The following WDR59 variants were observed in gnomAD, a reference collection of about 807,000 sequenced individuals.
The protein encoded by WDR59 is WD repeat domain 59, also known as GATOR2 complex protein WDR59.
WDR59 carries 100 observed loss-of-function variants against 131.2 expected under a neutral mutation model. The observed-to-expected ratio is 0.76, with a 90% CI of 0.65 to 0.90. The LOEUF is 0.90. Among genes scored for constraint, WDR59 ranks in the 40% least tolerant of loss-of-function variants. WDR59 has a pLI of 0.00. For synonymous variants in WDR59, 601 were observed against 466.2 expected (o/e 1.29, Z -3.72); for missense variants, 1,203 against 1,262.2 (o/e 0.95, Z 0.71).
chr16:74,912,135 T>C, intron 14 of WDR59, 63 bp downstream of exon 14: 2 of 1,606,908 alleles, frequency 1.2e-6, no homozygotes, highest in Non-Finnish European at 1.7e-6. Context: ...TCATTCTTCT[T>C]TACTAATCCA....
intron 1 of WDR59, among the ~76,000 whole-genome samples, chr16:74,968,472 G>C (rs577396033): frequency 6.6e-6 from 1 of 152,328 alleles, no homozygotes; most frequent in East Asian, 1.9e-4. Flanking sequence ...TGTAATCCCA[G>C]CACTTTGGGA....
chr16:74,898,649 G>A (rs573812552), intron 18 of WDR59, among the ~76,000 whole-genome samples: 2 of 152,228 alleles, frequency 1.3e-5, no homozygotes, highest in Non-Finnish European at 2.9e-5. Flanking sequence ...TTACTGCTAC[G>A]ATCAGAGGCA....
chr16:74,903,750 C>A (rs1230091382), intron 18 of WDR59, among the ~76,000 whole-genome samples, 197 bp downstream of exon 18: 2 of 152,034 alleles, frequency 1.3e-5, no homozygotes, highest in African/African-American at 4.8e-5. Context: ...AGAACGGCCC[C>A]CTGACCCATA....
At chr16:74,910,027 G>GTACGA (rs1289283041) in intron 14 of WDR59, 110 bp from the exon 15 acceptor site, 33 of 913,852 alleles carry the variant, frequency 3.6e-5, no homozygotes, top group Non-Finnish European at 4.8e-5. Context: ...GAGTGTAGTG[G>GTACGA]TACGATCTCG....
intron 1 of WDR59, chr16:74,984,547 C>CA (rs1213910533): frequency 9.2e-6 from 2 of 217,132 alleles, no homozygotes; most frequent in East Asian, 2.2e-4. Flanking sequence ...TCATCGAATT[C>CA]ACCCCAACAG....
At chr16:74,918,787 C>A in intron 10 of WDR59, among the ~76,000 whole-genome samples, 1 of 152,138 alleles carries the variant, frequency 6.6e-6, no homozygotes, top group East Asian at 1.9e-4. Context: ...GATGGGGAAA[C>A]TGAGGCAAGA....
At chr16:74,952,925 G>C (rs548754105) in intron 3 of WDR59, among the ~76,000 whole-genome samples, 2 of 152,060 alleles carry the variant, frequency 1.3e-5, no homozygotes, top group Non-Finnish European at 2.9e-5. Flanking sequence ...AGCTTCCAAA[G>C]AGAATAGGAA....
At chr16:74,908,392 G>A (rs1050814358) in intron 17 of WDR59, among the ~76,000 whole-genome samples, 2 of 152,148 alleles carry the variant, frequency 1.3e-5, no homozygotes, top group African/African-American at 4.8e-5. Context: ...ACTCCAGCCT[G>A]GGTGACAGAG....
chr16:74,891,040 G>A (rs1965018087), intron 20 of WDR59, among the ~76,000 whole-genome samples: 1 of 151,560 alleles, frequency 6.6e-6, no homozygotes, highest in South Asian at 2.1e-4. Flanking sequence ...CTTGAACCTG[G>A]GAGGCAGAGG....
rs146092760 is a variant in WDR59 at position 74,932,749 on chromosome 16, A to C, written c.651+5401T>G. On this transcript the variant is annotated intron_variant, in intron 8 of 25. Transcript: ENST00000262144. Reference sequence around the variant, plus strand: ...AGTGATCCTCCCTCCTCAGACTCCCAAAGTGCTGGGATTACAGGGGTGAGC... The same window carrying C: ...AGTGATCCTCCCTCCTCAGACTCCCCAAGTGCTGGGATTACAGGGGTGAGC... 7.2e-3 allele frequency among the ~76,000 whole-genome samples: 1,100 copies of C among 152,270 alleles called. 11 individuals carry two copies. Among genetic ancestry groups the C allele is most frequent in the Non-Finnish European group, 0.011 (743 of 68,000 alleles).
chr16:74,874,848 C>T (rs1374072654), intron 25 of WDR59, among the ~76,000 whole-genome samples: 1 of 152,192 alleles, frequency 6.6e-6, no homozygotes, highest in African/African-American at 2.4e-5. Flanking sequence ...GCCTTGGCCT[C>T]CCAAAGTGCT....
intron 7 of WDR59, among the ~76,000 whole-genome samples, chr16:74,939,842 T>A (rs965926593): frequency 4.6e-5 from 7 of 151,824 alleles, no homozygotes; most frequent in East Asian, 3.9e-4. Flanking sequence ...AAAATTTTTT[T>A]AATTACCTCA....
At chr16:74,984,912 G>A (rs917015453) in intron 1 of WDR59, 52 bp downstream of exon 1, 2 of 1,584,006 alleles carry the variant, frequency 1.3e-6, no homozygotes, top group Admixed American at 1.8e-5. Flanking sequence ...CGTGGGGGAG[G>A]GGAAGCGGGG....
At chr16:74,976,171 G>T (rs936404866) in intron 1 of WDR59, among the ~76,000 whole-genome samples, 4 of 152,072 alleles carry the variant, frequency 2.6e-5, no homozygotes, top group Admixed American at 1.3e-4. Context: ...AAAACACACA[G>T]ATTATTAATT....
Position 74,922,015 on chromosome 16 carries a change from G to T in WDR59, c.818C>A (p.Thr273Asn). The T allele has an allele frequency of 1.2e-6, 2 of 1,614,206 alleles. No individual in the cohort carries two copies. The highest frequency in any genetic ancestry group is 1.7e-6 in the Non-Finnish European group (2 of 1,180,032). ...LLLWNVFDLNTPVHTFVGHDD... is the reference protein window; with the variant it reads ...LLLWNVFDLNNPVHTFVGHDD... The stretch of plus-strand genomic sequence containing the variant: ...ATGCCCCACGAAGGTGTGGACTGGG[G>T]TGTTCAAGTCAAAGACATTCCACAG... The change falls in exon 10 of 26, where the codon ACC (threonine) becomes AAC (asparagine). Residue 273 changes from threonine to asparagine, a missense_variant. Physicochemically the swap from Thr to Asn is moderately conservative, Grantham distance 65 (BLOSUM62 0). Coordinates refer to ENST00000262144, the MANE Select transcript of WDR59 (RefSeq NM_030581.4).
intron 18 of WDR59, among the ~76,000 whole-genome samples, chr16:74,900,936 T>C (rs1724125071): frequency 6.6e-6 from 1 of 152,190 alleles, no homozygotes; most frequent in Non-Finnish European, 1.5e-5. Context: ...GTGGCCAACA[T>C]GGTGAAACCA....
In WDR59 at chr16:74,936,373, G is replaced by A. The variant is rs534501908; in HGVS notation, c.651+1777C>T. On this transcript the variant is annotated intron_variant, in intron 8 of 25. Transcript: ENST00000262144. ...ATAAAGTCCTCCCAGGAAACTGGCT[G>A]TTACCTGCTTTATTACCTAGGAAAC... is the stretch of plus-strand genomic sequence containing the variant. Among the ~76,000 whole-genome samples the A allele has an allele frequency of 2.0e-4, 31 of 152,202 alleles. No individual in the cohort carries two copies. The East Asian group carries it at 5.6e-3, about 27-fold the overall frequency.
intron 1 of WDR59, among the ~76,000 whole-genome samples, chr16:74,972,385 C>G (rs765265889): frequency 2.6e-5 from 4 of 152,148 alleles, no homozygotes; most frequent in Non-Finnish European, 5.9e-5. Flanking sequence ...CCAAAGGCAA[C>G]AGTGTTCTGA....
rs951450133 is a variant in WDR59 at position 74,890,838 on chromosome 16, G to A, written c.2083-1023C>T. On this transcript the variant is annotated intron_variant, in intron 20 of 25. Transcript: ENST00000262144. ...AATACCTTTAAAAATCAAATACGGC[G>A]GGCCCTGTGGCTCACGCCTGTAATC... 5.3e-5 allele frequency among the ~76,000 whole-genome samples: 8 copies of A among 151,990 alleles called. No homozygotes were observed. In the East Asian group the frequency reaches 5.8e-4, roughly 11 times the overall value.
Sources: allele counts gnomAD v4.1 joint callset (sites outside exome capture counted in the v4.1 genomes callset), GRCh38; gene constraint gnomAD v4.1.1; transcripts MANE v1.5; gene names NCBI Gene and HGNC (gene_info 2026-07-23, HGNC 2026-07-21).